WWOX: variants seen among roughly 807,000 people sequenced by gnomAD.
WWOX encodes the protein WW domain containing oxidoreductase.
WWOX carries 69 observed loss-of-function variants against 46.2 expected under a neutral mutation model. That is an observed-to-expected ratio of 1.49 (90% CI 1.23 to 1.82). The LOEUF is 1.82. Ranked by LOEUF, WWOX falls within the 40% of genes most tolerant of loss-of-function variation. The pLI, the probability that WWOX is intolerant of heterozygous loss-of-function variation, is 0.00. For synonymous variants in WWOX, 359 were observed against 202.6 expected (o/e 1.77, Z -6.56); for missense variants, 919 against 542.6 (o/e 1.69, Z -6.89).
chr16:79,124,441 C>T (rs981549998), intron 8 of WWOX, among the ~76,000 whole-genome samples: 1 of 151,966 alleles, frequency 6.6e-6, no homozygotes, highest in African/African-American at 2.4e-5. Context: ...CATCATGATA[C>T]GTTAAGGGAA....
At chr16:79,026,883 C>G (rs961134727) in intron 8 of WWOX, among the ~76,000 whole-genome samples, 1 of 150,720 alleles carries the variant, frequency 6.6e-6, no homozygotes, top group Non-Finnish European at 1.5e-5. Flanking sequence ...CCCACCTCAG[C>G]CTCCCAAAGT....
chr16:78,886,742 A>C (rs1320932320), intron 8 of WWOX, among the ~76,000 whole-genome samples: 1 of 151,900 alleles, frequency 6.6e-6, no homozygotes, highest in Non-Finnish European at 1.5e-5. Flanking sequence ...GAAACTGCAG[A>C]GGCAGCTATA....
Position 78,402,186 on chromosome 16 carries a change from C to G in WWOX, c.605+15238C>G, listed in dbSNP as rs146576828. Among the ~76,000 whole-genome samples the G allele has an allele frequency of 3.3e-5, 5 of 152,352 alleles. No homozygotes were observed. In the East Asian group the frequency reaches 9.6e-4, roughly 29 times the overall value. ...GCAATCAGCAGTCTGCTTTCTATCT[C>G]TACCTGTTTGCCTATTCTGGACATT... On this transcript the variant is annotated intron_variant, in intron 6 of 8. Coordinates refer to ENST00000566780, the MANE Select transcript of WWOX (RefSeq NM_016373.4).
chr16:78,851,166 A>G lies in WWOX; in HGVS notation c.1057-360442A>G, dbSNP rs955873339. On this transcript the variant is annotated intron_variant, in intron 8 of 8. Coordinates refer to ENST00000566780, the MANE Select transcript of WWOX (RefSeq NM_016373.4). ...CTTTCACCCTCAAACTTGCTCATTC[A>G]GAAATTAGACTTTGTGAGCCCACTA... 5.9e-5 allele frequency among the ~76,000 whole-genome samples: 9 copies of G among 152,330 alleles called. No homozygotes were observed. The East Asian group carries it at 1.5e-3, about 26-fold the overall frequency.
intron 5 of WWOX, among the ~76,000 whole-genome samples, chr16:78,367,393 A>G (rs778878727): frequency 3.5e-4 from 43 of 124,448 alleles, no homozygotes; most frequent in Admixed American, 9.8e-4. Flanking sequence ...TGCTTAAAAC[A>G]TGATGAGATA....
intron 8 of WWOX, among the ~76,000 whole-genome samples, chr16:78,908,143 G>C (rs2045014324): frequency 6.6e-6 from 1 of 152,170 alleles, no homozygotes; most frequent in Non-Finnish European, 1.5e-5. Flanking sequence ...GGCCAAGTGT[G>C]TGGCAGTGTC....
chr16:79,034,691 A>T (rs948817592), intron 8 of WWOX, among the ~76,000 whole-genome samples: 52 of 150,916 alleles, frequency 3.4e-4, no homozygotes, highest in African/African-American at 1.1e-3. Flanking sequence ...TTTTTTTTTC[A>T]AAGCACTTAA....
At chr16:78,144,022 G>C (rs547226719) in intron 4 of WWOX, among the ~76,000 whole-genome samples, 2 of 152,138 alleles carry the variant, frequency 1.3e-5, no homozygotes, top group South Asian at 4.2e-4. Context: ...GTCTTGACAA[G>C]TGTGTACACA....
chr16:78,749,197 C>A lies in WWOX; in HGVS notation c.1056+316445C>A, dbSNP rs903730015. 3.2e-4 allele frequency among the ~76,000 whole-genome samples: 49 copies of A among 152,080 alleles called. 1 individual carries two copies. The highest frequency in any genetic ancestry group is 2.4e-4 in the Non-Finnish European group (16 of 68,022). ...GCACTGCCATGGGGTGACCTGTGTGCCATGCATCACACACAGACTACTGTT... is the reference window on the plus strand; with the variant it reads ...GCACTGCCATGGGGTGACCTGTGTGACATGCATCACACACAGACTACTGTT... On this transcript the variant is annotated intron_variant, in intron 8 of 8. Coordinates refer to ENST00000566780, the MANE Select transcript of WWOX (RefSeq NM_016373.4).
At chr16:78,381,121 GC>G (rs1479032255) in intron 5 of WWOX, among the ~76,000 whole-genome samples, 3 of 152,160 alleles carry the variant, frequency 2.0e-5, no homozygotes. Context: ...TGTCTTTGCT[GC>G]AATGACAATA....
At position 78,160,744 on chromosome 16, in the gene WWOX, C is replaced by G. The variant is rs372374372; in HGVS notation, c.410-3439C>G. 1.4e-4 allele frequency among the ~76,000 whole-genome samples: 21 copies of G among 152,252 alleles called. No individual in the cohort carries two copies. The East Asian group carries it at 4.1e-3, about 29-fold the overall frequency. ...AGTTTTGGTAAGTATTCTTGAAGTA[C>G]TTGAGTATATTTTGCTGTTGCTTTC... On this transcript the variant is annotated intron_variant, in intron 4 of 8. Transcript: ENST00000566780.
intron 8 of WWOX, among the ~76,000 whole-genome samples, chr16:78,928,218 T>G (rs74377178): frequency 6.6e-6 from 1 of 150,938 alleles, no homozygotes; most frequent in Non-Finnish European, 1.5e-5. Flanking sequence ...TTTTTTTTTT[T>G]TTGAGACGGA....
intron 8 of WWOX, among the ~76,000 whole-genome samples, chr16:78,859,068 A>ATATG (rs1385802971): frequency 8.0e-6 from 1 of 125,436 alleles, no homozygotes; most frequent in African/African-American, 3.0e-5. Flanking sequence ...ATATATATAT[A>ATATG]TATATGAAAA....
At chr16:78,705,541 C>G (rs1249840630) in intron 8 of WWOX, among the ~76,000 whole-genome samples, 3 of 152,190 alleles carry the variant, frequency 2.0e-5, no homozygotes, top group African/African-American at 2.4e-5. Flanking sequence ...AGTGCTGGCT[C>G]TGCTCTTAGC....
At chr16:79,145,535 A>G (rs1567580579) in intron 8 of WWOX, among the ~76,000 whole-genome samples, 1 of 152,184 alleles carries the variant, frequency 6.6e-6, no homozygotes, top group Non-Finnish European at 1.5e-5. Context: ...AAATCGTGAA[A>G]TGTTTTCCAT....
chr16:78,300,689 T>C (rs2151866801), intron 5 of WWOX, among the ~76,000 whole-genome samples: 1 of 152,344 alleles, frequency 6.6e-6, no homozygotes, highest in East Asian at 1.9e-4. Flanking sequence ...TTTTCAGCTA[T>C]GCCATAAATT....
rs191777051 is a variant in WWOX, at chr16:78,606,899, A to G, written c.1056+174147A>G. Among the ~76,000 whole-genome samples the G allele has an allele frequency of 2.5e-3, 377 of 152,136 alleles. 2 individuals carry two copies. Among genetic ancestry groups the G allele is most frequent in the African/African-American group, 8.7e-3 (363 of 41,488 alleles). ...GGGCAGGGATTGTTGGGGAGAAAAG[A>G]CAATTGTCTTTTATGTCCACAGCGG... On this transcript the variant is annotated intron_variant, in intron 8 of 8. Coordinates refer to ENST00000566780, the MANE Select transcript of WWOX (RefSeq NM_016373.4).
At chr16:79,019,046 A>G (rs7185820) in intron 8 of WWOX, among the ~76,000 whole-genome samples, 32,426 of 148,052 alleles carry the variant, frequency 0.22, 3,553 homozygotes, top group East Asian at 0.34. Flanking sequence ...AGTTTCAGCT[A>G]TTCCGGAAGC....
chr16:78,695,982 C>G (rs1420256174), intron 8 of WWOX, among the ~76,000 whole-genome samples: 1 of 152,160 alleles, frequency 6.6e-6, no homozygotes, highest in African/African-American at 2.4e-5. Context: ...CCGCCCCAGA[C>G]CTCCTGAATG....
Sources: gnomAD v4.1 joint callset for allele counts (sites outside exome capture counted in the v4.1 genomes callset) on GRCh38, gnomAD v4.1.1 for gene constraint, MANE v1.5 for transcripts, NCBI Gene and HGNC (gene_info 2026-07-23, HGNC 2026-07-21) for gene names.